MYO18A: variants seen among roughly 807,000 people sequenced by gnomAD.
MYO18A encodes the protein myosin XVIIIA.
In MYO18A, 78 loss-of-function variants were observed where a neutral mutation model predicts 235.8. The observed-to-expected ratio is 0.33, with a 90% CI of 0.28 to 0.40. The LOEUF is 0.40. MYO18A is among the 10% of genes least tolerant of loss of function. MYO18A has a pLI of 1.00. For missense variants in MYO18A, 2,215 were observed against 2,699.3 expected (o/e 0.82, Z 3.98); for synonymous variants, 977 against 1,077.8 (o/e 0.91, Z 1.83).
chr17:29,108,856 G>A (rs539685910), intron 19 of MYO18A, among the ~76,000 whole-genome samples: 50 of 152,268 alleles, frequency 3.3e-4, no homozygotes, highest in Admixed American at 3.0e-3. Flanking sequence ...GGGGCCTGCC[G>A]CTGCTGGCCT....
At chr17:29,075,996 T>G (rs1414268810) in intron 41 of MYO18A, 1 of 156,760 alleles carries the variant, frequency 6.4e-6, no homozygotes, top group East Asian at 1.9e-4. Context: ...CTTTGTTTAC[T>G]AGCCCTTTTA....
At chr17:29,131,807 A>G (rs1380618210) in intron 2 of MYO18A, among the ~76,000 whole-genome samples, 1 of 152,252 alleles carries the variant, frequency 6.6e-6, no homozygotes, top group African/African-American at 2.4e-5. Context: ...TACAAGAGTC[A>G]TCCCTAGCTC....
chr17:29,175,046 A>C (rs1310898254), intron 1 of MYO18A, among the ~76,000 whole-genome samples: 1 of 152,230 alleles, frequency 6.6e-6, no homozygotes, highest in Admixed American at 6.5e-5. Flanking sequence ...TAGGAAAAAT[A>C]TATGCTCTGG....
Position 29,109,748 on chromosome 17 carries a change from A to C in MYO18A, c.3331+110T>G. ...GACCAGAGCAGAAAGGATCGTGAGGAAAGACAGGAGCAGCCCCACTGCAGC... is the reference window on the plus strand; with the variant it reads ...GACCAGAGCAGAAAGGATCGTGAGGCAAGACAGGAGCAGCCCCACTGCAGC... On this transcript the variant is annotated intron_variant, in intron 19 of 41. Coordinates refer to ENST00000527372, the MANE Select transcript of MYO18A (RefSeq NM_078471.4). This position sits in a 1 kb window ranked among gnomAD's most constrained non-coding sequence, Gnocchi z 4.1. 1 of 1,353,898 alleles carries C rather than the reference A, an allele frequency of 7.4e-7. No individual in the cohort carries two copies. Among genetic ancestry groups the C allele is most frequent in the African/African-American group, 1.5e-5 (1 of 68,748 alleles). The allele number at this position is 1,353,898 out of a possible 1,614,324, so 83.9% of individuals were successfully genotyped here. A position where few individuals can be genotyped will look rare whatever the true frequency, so the allele number is the denominator to read the frequency against.
At position 29,120,277 on chromosome 17, in the gene MYO18A, G is replaced by C. The variant is rs2067166150; in HGVS notation, c.1728+339C>G. ...TGGGCCTTACTTTACTGACAAGCCA[G>C]TCCTCTGCTAGGTGAAATCGGCCCG... is the stretch of plus-strand genomic sequence containing the variant. On this transcript the variant is annotated intron_variant, in intron 7 of 41. Coordinates refer to ENST00000527372, the MANE Select transcript of MYO18A (RefSeq NM_078471.4). This position sits in a 1 kb window ranked among gnomAD's most constrained non-coding sequence, Gnocchi z 4.2. Among the ~76,000 whole-genome samples, 1 of 152,236 alleles carries C rather than the reference G, an allele frequency of 6.6e-6. No homozygotes were observed.
At chr17:29,154,546 A>G (rs1395040027) in intron 2 of MYO18A, among the ~76,000 whole-genome samples, 2 of 152,348 alleles carry the variant, frequency 1.3e-5, no homozygotes, top group South Asian at 2.1e-4. Flanking sequence ...GACAGGCCAC[A>G]GCAGTCCCCC....
chr17:29,094,479 A>G (rs949579051), intron 30 of MYO18A, 171 bp downstream of exon 30: 1 of 693,546 alleles, frequency 1.4e-6, no homozygotes, highest in African/African-American at 1.8e-5. Context: ...GCGCGTCTTC[A>G]CACTGTGGCT....
At position 29,118,859 on chromosome 17, in the gene MYO18A, G is replaced by A. The variant is rs904434661; in HGVS notation, c.1830-419C>T. On this transcript the variant is annotated intron_variant, in intron 8 of 41. Transcript: ENST00000527372. The surrounding 1 kb of genome is among the most constrained non-coding windows in gnomAD (Gnocchi z 4.2). The stretch of plus-strand genomic sequence containing the variant: ...AATCTGAATGTCTGAAGGGAAGAGC[G>A]TGGCAGAGGCAGCCAACGTGGGGCA... Among the ~76,000 whole-genome samples, 9 of 152,230 alleles carry A rather than the reference G, an allele frequency of 5.9e-5. No homozygotes were observed. The highest frequency in any genetic ancestry group is 1.9e-4 in the East Asian group (1 of 5,204).
chr17:29,104,711 G>C (rs528080502), intron 20 of MYO18A, among the ~76,000 whole-genome samples: 36 of 152,242 alleles, frequency 2.4e-4, no homozygotes, highest in Non-Finnish European at 4.9e-4. Flanking sequence ...GCCAAGGACA[G>C]AGTCCTGAGG....
intron 2 of MYO18A, among the ~76,000 whole-genome samples, chr17:29,162,123 C>A (rs2068187220): frequency 1.3e-5 from 2 of 152,152 alleles, no homozygotes; most frequent in Non-Finnish European, 2.9e-5. Flanking sequence ...ACTGCCTCTA[C>A]CTGAGTCCAG....
intron 1 of MYO18A, among the ~76,000 whole-genome samples, chr17:29,176,343 T>C (rs2068526418): frequency 6.6e-6 from 1 of 151,418 alleles, no homozygotes; most frequent in African/African-American, 2.4e-5. Context: ...CTTGTGGCTG[T>C]AAGTGGGGAC....
Position 29,072,118 on chromosome 17 carries a change from C to G in MYO18A, c.*2652G>C, listed in dbSNP as rs866850615. ...TGGCAGGGAGTTTGTCACACTAGTC[C>G]CTAGTAGAAACAGAAAATGTACCAC... is the stretch of plus-strand genomic sequence containing the variant. On this transcript the variant is annotated 3_prime_UTR_variant, in exon 42 of 42. Coordinates refer to ENST00000527372, the MANE Select transcript of MYO18A (RefSeq NM_078471.4). 6.6e-6 allele frequency: 1 copy of G among 151,458 alleles called. No individual in the cohort carries two copies. Among genetic ancestry groups the G allele is most frequent in the African/African-American group, 2.4e-5 (1 of 41,110 alleles). 9.4% of individuals were successfully genotyped at this position (151,458 alleles called of 1,614,324 possible).
At position 29,094,739 on chromosome 17, in the gene MYO18A, T is replaced by G; in HGVS notation, c.4621A>C (p.Lys1541Gln). 1 of 1,614,078 alleles carries G rather than the reference T, an allele frequency of 6.2e-7. No individual in the cohort carries two copies. The highest frequency in any genetic ancestry group is 1.6e-4 in the Middle Eastern group (1 of 6,062). Residue 1541 changes from lysine (K) to glutamine (Q), a missense_variant, in exon 30 of 42, where the codon AAG (lysine) becomes CAG (glutamine). Coordinates refer to ENST00000527372, the MANE Select transcript of MYO18A (RefSeq NM_078471.4). ...GCCTCCAGGTCCCGGAGCTGTTTCT[T>G]GACCTTGGCCAGAGAAGCCTCATCC... ...SKDEASLAKV[K>Q]KQLRDLEAKV... is the part of the protein sequence containing the mutation.
At position 29,074,269 on chromosome 17, in the gene MYO18A, T is replaced by C. The variant is rs2065926105; in HGVS notation, c.*501A>G. 6 of 1,368,924 alleles carry C rather than the reference T, an allele frequency of 4.4e-6. No individual in the cohort carries two copies. Among genetic ancestry groups the C allele is most frequent in the South Asian group, 2.8e-5 (2 of 70,770 alleles). 84.8% of individuals were successfully genotyped at this position (1,368,924 alleles called of 1,614,324 possible). A position where few individuals can be genotyped will look rare whatever the true frequency, so the allele number is the denominator to read the frequency against. ...CCCACTCTCAGGGATGCAGCTGTGA[T>C]GGAGAGGTTGGGTATTTAAATTAAA... On this transcript the variant is annotated 3_prime_UTR_variant, in exon 42 of 42. Transcript: ENST00000527372. The surrounding 1 kb of genome is among the most constrained non-coding windows in gnomAD (Gnocchi z 4.4).
chr17:29,097,949 C>A, intron 25 of MYO18A, 50 bp from the exon 26 acceptor site: 1 of 1,580,202 alleles, frequency 6.3e-7, no homozygotes, highest in South Asian at 1.2e-5. Flanking sequence ...CTCATACCCA[C>A]TCCCCGAACC....
At chr17:29,157,129 C>T (rs1016492488) in intron 2 of MYO18A, among the ~76,000 whole-genome samples, 1 of 152,228 alleles carries the variant, frequency 6.6e-6, no homozygotes, top group Non-Finnish European at 1.5e-5. Flanking sequence ...ACGTCCCAGA[C>T]TCCCAGATCT....
At chr17:29,096,639 G>T in intron 28 of MYO18A, 122 bp downstream of exon 28, 1 of 1,254,408 alleles carries the variant, frequency 8.0e-7, no homozygotes, top group Non-Finnish European at 1.1e-6. Context: ...GAGTGACCAG[G>T]CAAGCAAGGC....
chr17:29,142,348 T>C (rs2067760960), intron 2 of MYO18A, among the ~76,000 whole-genome samples: 1 of 152,236 alleles, frequency 6.6e-6, no homozygotes, highest in Admixed American at 6.5e-5. Flanking sequence ...TGTCCATTTG[T>C]TAAATGAATG....
Position 29,073,793 on chromosome 17 carries a change from C to G in MYO18A, c.*977G>C. On this transcript the variant is annotated 3_prime_UTR_variant, in exon 42 of 42. Coordinates refer to ENST00000527372, the MANE Select transcript of MYO18A (RefSeq NM_078471.4). ...ACGGGCTCAGGACACAGAGTGAGGA[C>G]TCATGTCTAATGAGCACCGGCCAAA... 1 of 1,502,290 alleles carries G rather than the reference C, an allele frequency of 6.7e-7. No individual in the cohort carries two copies. Among genetic ancestry groups the G allele is most frequent in the Non-Finnish European group, 9.1e-7 (1 of 1,102,260 alleles). The allele number at this position is 1,502,290 out of a possible 1,614,324, so 93.1% of individuals were successfully genotyped here.
Sources: allele counts gnomAD v4.1 joint callset (sites outside exome capture counted in the v4.1 genomes callset), GRCh38; gene constraint gnomAD v4.1.1; non-coding constraint Gnocchi (gnomAD v3.1); transcripts MANE v1.5; gene names NCBI Gene and HGNC (gene_info 2026-07-23, HGNC 2026-07-21).